The following ZFHX3 variants were observed in gnomAD, a reference collection of about 807,000 sequenced individuals.
ZFHX3 encodes zinc finger homeobox protein 3.
ZFHX3 carries 42 observed loss-of-function variants against 279.1 expected under a neutral mutation model. The observed-to-expected ratio is 0.15, with a 90% confidence interval of 0.12 to 0.19. The LOEUF is 0.19. Ranked by LOEUF, ZFHX3 falls within the 10% of genes least tolerant of loss-of-function variation. The pLI is 1.00. For missense variants in ZFHX3, 4,981 were observed against 4,754.0 expected (o/e 1.05, Z -1.40); for synonymous variants, 2,293 against 1,957.8 (o/e 1.17, Z -4.52).
intron 3 of ZFHX3, among the ~76,000 whole-genome samples, chr16:73,408,681 G>A (rs2017410396): frequency 6.6e-6 from 1 of 152,174 alleles, no homozygotes; most frequent in Admixed American, 6.5e-5. Flanking sequence ...TTGAAGTCAG[G>A]ACAGCGGTGG....
exon 8 of ZFHX3, chr16:73,093,368 G>C (rs1966113924): frequency 2.4e-6 from 1 of 419,148 alleles, no homozygotes; most frequent in Non-Finnish European, 4.8e-6. Flanking sequence ...AAGCCACAGG[G>C]GACGACCCTG....
chr16:72,940,516 C>G (rs900374428), intron 3 of ZFHX3, among the ~76,000 whole-genome samples: 3 of 152,062 alleles, frequency 2.0e-5, no homozygotes, highest in Admixed American at 6.5e-5. Flanking sequence ...ACACGGATGC[C>G]CCGGTGTGAC....
chr16:73,225,130 AATT>A (rs1259167911), intron 5 of ZFHX3, among the ~76,000 whole-genome samples: 1 of 152,180 alleles, frequency 6.6e-6, no homozygotes, highest in Non-Finnish European at 1.5e-5. Flanking sequence ...AAAATTAAAA[AATT>A]ATTAGTGTAC....
At chr16:73,197,677 A>G (rs1968178790) in intron 5 of ZFHX3, among the ~76,000 whole-genome samples, 1 of 152,192 alleles carries the variant, frequency 6.6e-6, no homozygotes, top group Non-Finnish European at 1.5e-5. Flanking sequence ...GTTACATACT[A>G]TAGGCAGACA....
In ZFHX3 at chr16:72,788,307, G is replaced by A; in HGVS notation, c.9969C>T (p.Ile3323=). 1 of 1,614,208 alleles carries A rather than the reference G, an allele frequency of 6.2e-7. No individual in the cohort carries two copies. The highest frequency in any genetic ancestry group is 1.3e-5 in the African/African-American group (1 of 75,052). The change falls in exon 10 of 10, where the codon ATC becomes ATT. Residue 3323 remains isoleucine, a synonymous_variant. Transcript: ENST00000268489. ...GGTACCCGCTCTGCAGGGCGCCAGG[G>A]ATCTGGGGAGCATAATAAGGAGAAA... The part of the protein sequence containing the change: ...PGFSPYYAPQ[I]PGALQSGYLQ...
intron 6 of ZFHX3, among the ~76,000 whole-genome samples, chr16:73,141,795 A>T (rs1803423304): frequency 6.6e-6 from 1 of 152,074 alleles, no homozygotes; most frequent in Non-Finnish European, 1.5e-5. Context: ...GAGGCTCAGG[A>T]GGTAGTCTGC....
At chr16:72,853,170 T>C (rs1005679331) in intron 4 of ZFHX3, among the ~76,000 whole-genome samples, 7 of 152,212 alleles carry the variant, frequency 4.6e-5, no homozygotes, top group African/African-American at 1.7e-4. Flanking sequence ...ACACCTTCAA[T>C]ACTATGAATA....
chr16:73,749,425 A>G (rs945274433), intron 1 of ZFHX3, among the ~76,000 whole-genome samples: 1 of 152,002 alleles, frequency 6.6e-6, no homozygotes, highest in African/African-American at 2.4e-5. Context: ...TTATAGACCC[A>G]TCTCATCTGT....
intron 2 of ZFHX3, among the ~76,000 whole-genome samples, chr16:73,578,689 T>C (rs773030967): frequency 1.3e-4 from 20 of 152,280 alleles, no homozygotes; most frequent in Non-Finnish European, 1.8e-4. Context: ...AGATTCCCAC[T>C]CTACTCGTTT....
chr16:72,833,505 T>C (rs1172577334), intron 4 of ZFHX3, among the ~76,000 whole-genome samples: 1 of 152,220 alleles, frequency 6.6e-6, no homozygotes, highest in South Asian at 2.1e-4. Context: ...AAATCCTGTC[T>C]TTCCTACAGA....
intron 3 of ZFHX3, among the ~76,000 whole-genome samples, chr16:72,931,463 G>A: frequency 7.5e-6 from 1 of 133,488 alleles, no homozygotes; most frequent in African/African-American, 2.7e-5. Context: ...ACACTCTTCA[G>A]CTTTCAAAAG....
chr16:72,915,000 A>G (rs2039407746), intron 3 of ZFHX3, among the ~76,000 whole-genome samples: 1 of 152,180 alleles, frequency 6.6e-6, no homozygotes, highest in African/African-American at 2.4e-5. Flanking sequence ...AAAAGCAAAC[A>G]AACAAACAAC....
At chr16:73,883,866 T>C (rs1382546990) in intron 1 of ZFHX3, among the ~76,000 whole-genome samples, 1 of 152,082 alleles carries the variant, frequency 6.6e-6, no homozygotes, top group Admixed American at 6.6e-5. Flanking sequence ...ACACAAAATA[T>C]AGGAAAAGAG....
upstream of ZFHX3, among the ~76,000 whole-genome samples, chr16:73,051,736 A>C (rs1965453792): frequency 6.6e-6 from 1 of 152,206 alleles, no homozygotes; most frequent in Non-Finnish European, 1.5e-5. Context: ...CAAAGCCCCA[A>C]GTTTTAAGAA....
At chr16:73,636,674 G>A (rs1408272787) in intron 2 of ZFHX3, among the ~76,000 whole-genome samples, 1 of 152,096 alleles carries the variant, frequency 6.6e-6, no homozygotes, top group Non-Finnish European at 1.5e-5. Flanking sequence ...TTCATTATTA[G>A]AAATGTATTT....
chr16:73,314,246 C>T (rs975947704), intron 4 of ZFHX3, among the ~76,000 whole-genome samples: 2 of 152,144 alleles, frequency 1.3e-5, no homozygotes, highest in Non-Finnish European at 2.9e-5. Flanking sequence ...CTTTGGACTT[C>T]GTCTGCACTA....
intron 2 of ZFHX3, among the ~76,000 whole-genome samples, chr16:73,656,876 G>C (rs1182488524): frequency 6.6e-6 from 1 of 152,120 alleles, no homozygotes; most frequent in Non-Finnish European, 1.5e-5. Context: ...CCAATGCAAA[G>C]AAAATTGTTT....
intron 1 of ZFHX3, among the ~76,000 whole-genome samples, chr16:73,834,485 T>C (rs8051347): frequency 0.018 from 2,794 of 152,300 alleles, 94 homozygotes; most frequent in African/African-American, 0.063. Context: ...GCCAAAACCT[T>C]GGTTATTCCT....
At chr16:73,106,614 C>T (rs1490104428) in intron 7 of ZFHX3, among the ~76,000 whole-genome samples, 4 of 152,154 alleles carry the variant, frequency 2.6e-5, no homozygotes, top group African/African-American at 7.2e-5. Context: ...AAATCTTGCA[C>T]GGCAATAACT....
Sources: allele counts gnomAD v4.1 joint callset (sites outside exome capture counted in the v4.1 genomes callset), GRCh38; gene constraint gnomAD v4.1.1; transcripts MANE v1.5; gene names NCBI Gene and HGNC (gene_info 2026-07-23, HGNC 2026-07-21).